PTPRT: variants seen among roughly 807,000 people sequenced by gnomAD.
PTPRT encodes receptor-type tyrosine-protein phosphatase T.
PTPRT carries 56 observed loss-of-function variants against 176.8 expected under a neutral mutation model. That is an observed-to-expected ratio of 0.32 (90% confidence interval 0.26 to 0.40). The LOEUF (loss-of-function observed/expected upper bound fraction) is 0.40. PTPRT is among the 10% of genes least tolerant of loss of function. The pLI is 1.00. For missense variants in PTPRT, 1,540 were observed against 1,908.2 expected, an observed-to-expected ratio of 0.81 and a Z score of 3.60; for synonymous variants, 783 against 739.0, an observed-to-expected ratio of 1.06 and a Z score of -0.96.
At chr20:42,888,838 T>A (rs2079145887) in intron 1 of PTPRT, among the ~76,000 whole-genome samples, 1 of 151,898 alleles carries the variant, frequency 6.6e-6, no homozygotes, top group Non-Finnish European at 1.5e-5. Flanking sequence ...CAGAATAGAG[T>A]GAAAGGTAAG....
At chr20:43,013,996 A>T (rs1000378100) in intron 1 of PTPRT, among the ~76,000 whole-genome samples, 3 of 152,244 alleles carry the variant, frequency 2.0e-5, no homozygotes. Flanking sequence ...TTATTGTCTT[A>T]ACACACAGAA....
At chr20:42,081,505 A>G (rs1983327307) in intron 30 of PTPRT, among the ~76,000 whole-genome samples, 2 of 152,212 alleles carry the variant, frequency 1.3e-5, no homozygotes, top group South Asian at 4.1e-4. Context: ...TCTCTACTAT[A>G]AATGCTCTCT....
chr20:42,770,683 G>A (rs776197010), intron 5 of PTPRT, among the ~76,000 whole-genome samples: 1 of 152,178 alleles, frequency 6.6e-6, no homozygotes, highest in Non-Finnish European at 1.5e-5. Context: ...AGAAGTACCA[G>A]TGAATCACTG....
intron 1 of PTPRT, among the ~76,000 whole-genome samples, chr20:42,965,481 G>A (rs1014795229): frequency 1.3e-5 from 2 of 152,150 alleles, no homozygotes; most frequent in Non-Finnish European, 2.9e-5. Context: ...TTTACATATA[G>A]TGTATATAGT....
At chr20:42,794,700 C>T (rs747238289) in intron 2 of PTPRT, among the ~76,000 whole-genome samples, 1 of 152,156 alleles carries the variant, frequency 6.6e-6, no homozygotes. Context: ...TTATTTAAGG[C>T]AATAAGATGT....
chr20:42,268,156 A>G (rs2146989821), intron 13 of PTPRT, among the ~76,000 whole-genome samples: 1 of 152,306 alleles, frequency 6.6e-6, no homozygotes, highest in African/African-American at 2.4e-5. Flanking sequence ...TACATCAGCC[A>G]TTATTGCTAC....
chr20:43,095,645 T>TCC (rs2012104786), intron 1 of PTPRT, among the ~76,000 whole-genome samples: 1 of 148,670 alleles, frequency 6.7e-6, no homozygotes. Context: ...TCCCTGACTC[T>TCC]CTCCCACCTC....
chr20:43,127,102 A>C (rs888487861), intron 1 of PTPRT, among the ~76,000 whole-genome samples: 26 of 152,090 alleles, frequency 1.7e-4, no homozygotes, highest in African/African-American at 5.8e-4. Context: ...GATTCCTCCT[A>C]ATCCCTAAAC....
At chr20:42,200,077 C>G (rs1159864409) in intron 15 of PTPRT, among the ~76,000 whole-genome samples, 2 of 151,912 alleles carry the variant, frequency 1.3e-5, no homozygotes, top group African/African-American at 4.8e-5. Flanking sequence ...CACACACACA[C>G]ACACAGAGGC....
chr20:42,150,063 C>A (rs917604316), intron 17 of PTPRT, among the ~76,000 whole-genome samples: 1 of 152,134 alleles, frequency 6.6e-6, no homozygotes, highest in African/African-American at 2.4e-5. Context: ...ATCGCTGATG[C>A]CTGTGTGGCT....
At chr20:42,837,504 G>A (rs2078202831) in intron 2 of PTPRT, among the ~76,000 whole-genome samples, 1 of 152,196 alleles carries the variant, frequency 6.6e-6, no homozygotes, top group Admixed American at 6.5e-5. Flanking sequence ...TCAAAGTGGA[G>A]GGAAGGACCA....
chr20:43,184,972 C>T (rs969934595), intron 1 of PTPRT, among the ~76,000 whole-genome samples: 5 of 152,128 alleles, frequency 3.3e-5, no homozygotes, highest in African/African-American at 1.2e-4. Flanking sequence ...TGATCCTAAC[C>T]GGTCACCCTA....
intron 1 of PTPRT, among the ~76,000 whole-genome samples, chr20:42,890,002 A>T (rs1035930764): frequency 6.6e-6 from 1 of 152,204 alleles, no homozygotes; most frequent in Non-Finnish European, 1.5e-5. Context: ...AATGACAACC[A>T]TTTCAGGTGC....
intron 2 of PTPRT, among the ~76,000 whole-genome samples, chr20:42,817,944 G>A (rs943185914): frequency 6.6e-6 from 1 of 152,200 alleles, no homozygotes; most frequent in Non-Finnish European, 1.5e-5. Flanking sequence ...TCTCTTCCTG[G>A]TAGCTCTGAG....
At chr20:42,700,838 G>A (rs868136614) in intron 6 of PTPRT, among the ~76,000 whole-genome samples, 3 of 152,070 alleles carry the variant, frequency 2.0e-5, no homozygotes, top group Non-Finnish European at 2.9e-5. Flanking sequence ...TTTTAGGAGC[G>A]TAATGTTAAA....
chr20:42,514,134 G>T (rs2205943), intron 7 of PTPRT, among the ~76,000 whole-genome samples: 1 of 152,128 alleles, frequency 6.6e-6, no homozygotes. Flanking sequence ...GGTTTATTTA[G>T]GTTAGCTCCT....
chr20:43,034,274 C>T (rs1481033157), intron 1 of PTPRT, among the ~76,000 whole-genome samples: 1 of 152,138 alleles, frequency 6.6e-6, no homozygotes, highest in Admixed American at 6.5e-5. Flanking sequence ...AGGACCAAAA[C>T]GCACCTAGAA....
At chr20:42,223,166 A>C (rs955900160) in intron 15 of PTPRT, among the ~76,000 whole-genome samples, 3 of 152,236 alleles carry the variant, frequency 2.0e-5, no homozygotes, top group African/African-American at 4.8e-5. Context: ...AAACTGCAAA[A>C]CAGCAGTAGA....
In PTPRT at chr20:43,032,239, T is replaced by C. The variant is rs549294001; in HGVS notation, c.89-146307A>G. ...CACAGAGTGAAACAAAATTTAAACATCAGTTCCTCAGGTGCACTGTCTACA... is the reference window on the plus strand; with the variant it reads ...CACAGAGTGAAACAAAATTTAAACACCAGTTCCTCAGGTGCACTGTCTACA... On this transcript the variant is annotated intron_variant, in intron 1 of 30. Transcript: ENST00000373187. 1.5e-4 allele frequency among the ~76,000 whole-genome samples: 23 copies of C among 152,192 alleles called. 1 individual carries two copies. Among genetic ancestry groups the C allele is most frequent in the Admixed American group, 6.5e-4 (10 of 15,284 alleles).
Sources: gnomAD v4.1 joint callset for allele counts (sites outside exome capture counted in the v4.1 genomes callset) on GRCh38, gnomAD v4.1.1 for gene constraint, MANE v1.5 for transcripts, NCBI Gene and HGNC (gene_info 2026-07-23, HGNC 2026-07-21) for gene names.